The following GRIN2D variants were observed in gnomAD, a reference collection of about 807,000 sequenced individuals.
The protein encoded by GRIN2D is glutamate ionotropic receptor NMDA type subunit 2D, also known as glutamate receptor ionotropic, NMDA 2D.
Under a neutral mutation model 103.2 loss-of-function variants are expected in GRIN2D, and 37 were observed. The ratio of observed to expected loss-of-function variants is 0.36; its 90% CI spans 0.28 to 0.47. The LOEUF (loss-of-function observed/expected upper bound fraction) is 0.47. GRIN2D is among the 20% of genes least tolerant of loss of function. GRIN2D has a pLI of 1.00. For synonymous variants in GRIN2D, 845 were observed against 885.6 expected, an observed-to-expected ratio of 0.95 and a Z score of 0.81; for missense variants, 1,557 against 1,910.6, an observed-to-expected ratio of 0.81 and a Z score of 3.45.
At chr19:48,398,336 C>G in intron 2 of GRIN2D, 31 bp from the exon 3 acceptor site, 1 of 962,910 alleles carries the variant, frequency 1.0e-6, no homozygotes, top group Non-Finnish European at 1.3e-6. Flanking sequence ...GCCTCCCTCT[C>G]CTCCCCGTCT....
chr19:48,407,228 C>T (rs984757066), intron 4 of GRIN2D, among the ~76,000 whole-genome samples: 2 of 152,118 alleles, frequency 1.3e-5, no homozygotes, highest in African/African-American at 4.8e-5. Flanking sequence ...CCACCTCGGC[C>T]TCCCAAAGTG....
In GRIN2D at chr19:48,443,492, T is replaced by A; in HGVS notation, c.3566T>A (p.Leu1189Gln). ...HCRHCASLELLPPPRHLSCSH... is the reference protein window; with the variant it reads ...HCRHCASLELQPPPRHLSCSH... ...CGGCACTGCGCCAGCCTGGAGCTGC[T>A]GCCGCCGCCGCGCCATCTCAGCTGC... Residue 1189 changes from leucine (L) to glutamine (Q), a missense_variant, in exon 14 of 14, where the codon CTG becomes CAG. By Grantham distance (113) the Leu-to-Gln change is moderately radical. Transcript: ENST00000263269. The surrounding 1 kb of genome is among the most constrained non-coding windows in gnomAD (Gnocchi z 8.9). 7.4e-7 allele frequency: 1 copy of A among 1,359,750 alleles called. No individual in the cohort carries two copies. The allele number at this position is 1,359,750 out of a possible 1,614,324, so 84.2% of individuals were successfully genotyped here. A position where few individuals can be genotyped will look rare whatever the true frequency, so the allele number is the denominator to read the frequency against.
rs1211605327 is a variant in GRIN2D, at chr19:48,393,681, G to T, written c.-493G>T. Among the ~76,000 whole-genome samples the T allele has an allele frequency of 6.6e-6, 1 of 152,106 alleles. No individual in the cohort carries two copies. Among genetic ancestry groups the T allele is most frequent in the Non-Finnish European group, 1.5e-5 (1 of 68,002 alleles). Reference sequence around the variant, plus strand: ...AATGTTAATCGCATCCCGAGTGAGTGTGTGTGTGCGAGAACACAGCGAGTG... The same window carrying T: ...AATGTTAATCGCATCCCGAGTGAGTTTGTGTGTGCGAGAACACAGCGAGTG... On this transcript the variant is annotated 5_prime_UTR_variant, in exon 1 of 14. Coordinates refer to ENST00000263269, the MANE Select transcript of GRIN2D (RefSeq NM_000836.4). The surrounding 1 kb of genome is among the most constrained non-coding windows in gnomAD (Gnocchi z 5.6).
At chr19:48,411,727 C>T (rs900998314) in intron 4 of GRIN2D, among the ~76,000 whole-genome samples, 2 of 151,572 alleles carry the variant, frequency 1.3e-5, no homozygotes, top group African/African-American at 2.4e-5. Flanking sequence ...GCAGAGAGAA[C>T]AGCATCTGCA....
Position 48,421,828 on chromosome 19 carries a change from C to A in GRIN2D, c.2135C>A (p.Thr712Asn), listed in dbSNP as rs1214425470. The A allele has an allele frequency of 6.2e-7, 1 of 1,613,958 alleles. No homozygotes were observed. The highest frequency in any genetic ancestry group is 8.5e-7 in the Non-Finnish European group (1 of 1,179,960). The change falls in exon 11 of 14, where the codon ACC (threonine) becomes AAC (asparagine). Residue 712 changes from threonine to asparagine, a missense_variant. Physicochemically the swap from Thr to Asn is moderately conservative, Grantham distance 65 (BLOSUM62 0). Around this residue, in one of 7 missense-constraint regions of GRIN2D, gnomAD observed 138 missense variants for 270.2 expected, o/e 0.51. Transcript: ENST00000263269. The surrounding 1 kb of genome is among the most constrained non-coding windows in gnomAD (Gnocchi z 4.8). ...QEQYPPLKFG[T>N]VPNGSTEKNI... ...CAGTACCCGCCCCTGAAGTTTGGGA[C>A]CGTGCCCAACGGCTCCACGGAGAAG...
chr19:48,433,693 A>G (rs1265556147), intron 11 of GRIN2D, among the ~76,000 whole-genome samples: 1 of 152,224 alleles, frequency 6.6e-6, no homozygotes, highest in Non-Finnish European at 1.5e-5. Context: ...AGAGGGGCAA[A>G]AAAGGAAATA....
rs1013812330 is a variant in GRIN2D at position 48,421,299 on chromosome 19, G to A, written c.2092-486G>A. Among the ~76,000 whole-genome samples the A allele has an allele frequency of 3.9e-5, 6 of 152,018 alleles. No homozygotes were observed. The highest frequency in any genetic ancestry group is 1.9e-4 in the East Asian group (1 of 5,170). On this transcript the variant is annotated intron_variant, in intron 10 of 13. Coordinates refer to ENST00000263269, the MANE Select transcript of GRIN2D (RefSeq NM_000836.4). This position sits in a 1 kb window ranked among gnomAD's most constrained non-coding sequence, Gnocchi z 4.8. ...CAAAACTGGCTGGGCATGGTGGTAT[G>A]TGCCTGTAATCCCAGCTACTCGGGA...
chr19:48,393,804 G>A lies in GRIN2D; in HGVS notation c.-370G>A, dbSNP rs1164578963. 6.6e-6 allele frequency among the ~76,000 whole-genome samples: 1 copy of A among 152,150 alleles called. No homozygotes were observed. Among genetic ancestry groups the A allele is most frequent in the Non-Finnish European group, 1.5e-5 (1 of 68,024 alleles). On this transcript the variant is annotated 5_prime_UTR_variant, in exon 1 of 14. Coordinates refer to ENST00000263269, the MANE Select transcript of GRIN2D (RefSeq NM_000836.4). This position sits in a 1 kb window ranked among gnomAD's most constrained non-coding sequence, Gnocchi z 5.6. ...CCTCCCTCGGCCACCGGTGCCTGCT[G>A]GGGGTGTTGCCTGGGTAGGTCGGCC... is the stretch of plus-strand genomic sequence containing the variant.
intron 11 of GRIN2D, among the ~76,000 whole-genome samples, chr19:48,440,641 C>G (rs896057422): frequency 7.4e-6 from 1 of 135,996 alleles, no homozygotes; most frequent in African/African-American, 2.7e-5. Context: ...CAATGCTTGG[C>G]ACAATATAAC....
At position 48,421,928 on chromosome 19, in the gene GRIN2D, C is replaced by G. The variant is rs768795956; in HGVS notation, c.2235C>G (p.Leu745=). ...RYNQPRVEEA[L]TQLKAGKLDA... ...ACCAGCCCCGCGTAGAGGAAGCGCT[C>G]ACTCAGCTCAAGGCAGGGTCAGCGC... The change falls in exon 11 of 14, where the codon CTC becomes CTG. Residue 745 remains leucine, a synonymous_variant. Transcript: ENST00000263269. The surrounding 1 kb of genome is among the most constrained non-coding windows in gnomAD (Gnocchi z 4.8). 1.9e-6 allele frequency: 3 copies of G among 1,614,020 alleles called. No individual in the cohort carries two copies. Among genetic ancestry groups the G allele is most frequent in the Non-Finnish European group, 2.5e-6 (3 of 1,179,942 alleles).
chr19:48,398,573 G>A lies in GRIN2D; in HGVS notation c.181G>A (p.Ala61Thr). The change falls in exon 3 of 14, where the codon GCG becomes ACG. Residue 61 changes from alanine to threonine, a missense_variant. By Grantham distance (58) the Ala-to-Thr change is moderately conservative. Around this residue, in one of 7 missense-constraint regions of GRIN2D, gnomAD observed 490 missense variants for 601.1 expected, o/e 0.82. Transcript: ENST00000263269. ...LNVALVFSGP[A>T]YAAEAARLGP... ...CGTGGCGCTCGTGTTCTCGGGGCCC[G>A]CGTACGCGGCCGAGGCGGCACGCCT... The A allele has an allele frequency of 4.2e-6, 5 of 1,186,212 alleles. No homozygotes were observed. Among genetic ancestry groups the A allele is most frequent in the Non-Finnish European group, 3.1e-6 (3 of 959,288 alleles). 73.5% of individuals were successfully genotyped at this position (1,186,212 alleles called of 1,614,324 possible). A position where few individuals can be genotyped will look rare whatever the true frequency, so the allele number is the denominator to read the frequency against.
chr19:48,393,966 C>T lies in GRIN2D; in HGVS notation c.-306+98C>T, dbSNP rs1045502912. On this transcript the variant is annotated intron_variant, in intron 1 of 13. Coordinates refer to ENST00000263269, the MANE Select transcript of GRIN2D (RefSeq NM_000836.4). The surrounding 1 kb of genome is among the most constrained non-coding windows in gnomAD (Gnocchi z 5.6). Reference sequence around the variant, plus strand: ...CGGAGGGAGGGAGGGGTCTGTCTGTCTGTACCGACCCTGAGCTGCCTGCCT... The same window carrying T: ...CGGAGGGAGGGAGGGGTCTGTCTGTTTGTACCGACCCTGAGCTGCCTGCCT... Among the ~76,000 whole-genome samples the T allele has an allele frequency of 1.8e-4, 28 of 151,916 alleles. No individual in the cohort carries two copies. The highest frequency in any genetic ancestry group is 6.5e-4 in the African/African-American group (27 of 41,370).
At chr19:48,438,013 G>C (rs1971251183) in intron 11 of GRIN2D, among the ~76,000 whole-genome samples, 1 of 21,260 alleles carries the variant, frequency 4.7e-5, no homozygotes, top group African/African-American at 7.5e-4. Flanking sequence ...CTTTGCTTCA[G>C]CTAGAGACAT....
intron 2 of GRIN2D, among the ~76,000 whole-genome samples, chr19:48,396,144 G>A (rs1213386577): frequency 6.6e-6 from 1 of 152,026 alleles, no homozygotes; most frequent in East Asian, 1.9e-4. Context: ...GATGGAAGTG[G>A]AAACGGAGGC....
In GRIN2D at chr19:48,398,631, C is replaced by T; in HGVS notation, c.239C>T (p.Pro80Leu). ...GPAVAAAVRS[P>L]GLDVRPVALV... ...GCCGTGGCGGCGGCGGTGCGCAGCC[C>T]GGGCCTAGACGTGCGGCCCGTGGCG... The change falls in exon 3 of 14, where the codon CCG becomes CTG. Residue 80 changes from proline (P) to leucine (L), a missense_variant. Physicochemically the swap from Pro to Leu is moderately conservative, Grantham distance 98. Around this residue, in one of 7 missense-constraint regions of GRIN2D, gnomAD observed 490 missense variants for 601.1 expected, o/e 0.82. Coordinates refer to ENST00000263269, the MANE Select transcript of GRIN2D (RefSeq NM_000836.4). 3.0e-6 allele frequency: 4 copies of T among 1,346,704 alleles called. No homozygotes were observed. The highest frequency in any genetic ancestry group is 3.8e-6 in the Non-Finnish European group (4 of 1,045,104). 83.4% of individuals were successfully genotyped at this position (1,346,704 alleles called of 1,614,324 possible).
intron 11 of GRIN2D, 30 bp from the exon 12 acceptor site, chr19:48,441,739 G>T: frequency 6.3e-7 from 1 of 1,587,268 alleles, no homozygotes; most frequent in South Asian, 1.1e-5. Flanking sequence ...AGGTGGGACT[G>T]ACCCTACCCT....
intron 4 of GRIN2D, among the ~76,000 whole-genome samples, chr19:48,411,919 A>C (rs981040737): frequency 2.0e-5 from 3 of 151,970 alleles, no homozygotes; most frequent in African/African-American, 7.2e-5. Context: ...GGGGCCTGGC[A>C]CAGTGATTCA....
chr19:48,415,990 C>T lies in GRIN2D; in HGVS notation c.1582-12C>T, dbSNP rs779083038. The T allele has an allele frequency of 1.9e-5, 30 of 1,611,062 alleles. No homozygotes were observed. The highest frequency in any genetic ancestry group is 2.5e-5 in the Non-Finnish European group (29 of 1,178,474). ...GGGTTCCCCCGCCCACTCCTCATCG[C>T]CCCCACCCCAGGTGTTCTACCAGCG... On this transcript the variant is annotated splice_polypyrimidine_tract_variant and intron_variant, in intron 7 of 13. Transcript: ENST00000263269.
intron 3 of GRIN2D, among the ~76,000 whole-genome samples, chr19:48,402,166 A>AAGAAAGAAAGAG (rs748167336): frequency 0.034 from 2,748 of 79,808 alleles, 57 homozygotes; most frequent in African/African-American, 0.051. Flanking sequence ...GAAAGAAAGA[A>AAGAAAGAAAGAG]AGAGAGAAAA....
Sources: allele counts gnomAD v4.1 joint callset (sites outside exome capture counted in the v4.1 genomes callset), GRCh38; gene constraint gnomAD v4.1.1; regional missense constraint gnomAD v4.1.1; non-coding constraint Gnocchi (gnomAD v3.1); transcripts MANE v1.5; gene names NCBI Gene and HGNC (gene_info 2026-07-23, HGNC 2026-07-21).